The following UXS1 variants were observed in gnomAD, a reference collection of about 807,000 sequenced individuals.
UXS1 encodes UDP-glucuronate decarboxylase 1.
UXS1 carries 33 observed loss-of-function variants against 62.6 expected under a neutral mutation model. The ratio of observed to expected loss-of-function variants is 0.53; its 90% CI spans 0.40 to 0.70. The LOEUF (loss-of-function observed/expected upper bound fraction) is 0.70. Among genes scored for constraint, UXS1 ranks in the 30% least tolerant of loss-of-function variants. The pLI is 0.00. For missense variants in UXS1, 434 were observed against 556.3 expected (o/e 0.78, Z 2.21); for synonymous variants, 213 against 206.8 (o/e 1.03, Z -0.26).
chr2:106,154,530 A>G (rs1025588348), intron 5 of UXS1, among the ~76,000 whole-genome samples: 29 of 152,156 alleles, frequency 1.9e-4, no homozygotes, highest in Non-Finnish European at 3.4e-4. Flanking sequence ...GCCAAAGAAC[A>G]CCAAGGATTG....
At chr2:106,120,163 G>C (rs900014007) in intron 9 of UXS1, among the ~76,000 whole-genome samples, 3 of 152,292 alleles carry the variant, frequency 2.0e-5, no homozygotes, top group Non-Finnish European at 2.9e-5. Flanking sequence ...CTTCCTACAA[G>C]GGAGCACAAT....
chr2:106,114,234 C>T (rs1678881409), intron 9 of UXS1, among the ~76,000 whole-genome samples: 1 of 152,190 alleles, frequency 6.6e-6, no homozygotes, highest in Non-Finnish European at 1.5e-5. Flanking sequence ...GGCATGGAAG[C>T]ACACAGTTAA....
At chr2:106,187,186 GA>G (rs1055464742) in intron 1 of UXS1, among the ~76,000 whole-genome samples, 1 of 152,128 alleles carries the variant, frequency 6.6e-6, no homozygotes, top group African/African-American at 2.4e-5. Flanking sequence ...TAGAAAATCT[GA>G]AAGGAAATTT....
intron 1 of UXS1, among the ~76,000 whole-genome samples, chr2:106,176,253 G>A (rs950648461): frequency 2.0e-5 from 3 of 152,072 alleles, no homozygotes; most frequent in Non-Finnish European, 4.4e-5. Flanking sequence ...ACTCACCTCT[G>A]AAGAACCCCA....
intron 1 of UXS1, among the ~76,000 whole-genome samples, chr2:106,179,378 C>T (rs921185289): frequency 3.9e-5 from 6 of 152,140 alleles, no homozygotes; most frequent in African/African-American, 1.4e-4. Flanking sequence ...CAACCCTGTG[C>T]GGCCTCACCC....
chr2:106,175,895 G>A (rs953047559), intron 1 of UXS1, among the ~76,000 whole-genome samples: 1 of 152,174 alleles, frequency 6.6e-6, no homozygotes, highest in African/African-American at 2.4e-5. Context: ...TAAAGTGGTT[G>A]GTTAAGCAGT....
intron 6 of UXS1, among the ~76,000 whole-genome samples, chr2:106,141,131 A>T (rs1199934089): frequency 6.6e-6 from 1 of 152,254 alleles, no homozygotes; most frequent in Non-Finnish European, 1.5e-5. Flanking sequence ...CTTGCTAACA[A>T]GTAATGCTGA....
intron 6 of UXS1, chr2:106,138,084 C>A: frequency 1.3e-6 from 1 of 749,820 alleles, no homozygotes; most frequent in Non-Finnish European, 1.6e-6. Context: ...AGACAGGAAA[C>A]TGCATTAAAG....
intron 4 of UXS1, among the ~76,000 whole-genome samples, chr2:106,162,622 AT>A (rs1682965262): frequency 6.6e-6 from 1 of 152,236 alleles, no homozygotes; most frequent in Non-Finnish European, 1.5e-5. Context: ...CCAAGGAAAT[AT>A]TACAAGCTGC....
rs778139397 is a variant in UXS1 at position 106,104,788 on chromosome 2, TCTTAC to T, written c.923+1_923+5del. On this transcript the variant is annotated splice_donor_variant and splice_donor_5th_base_variant and intron_variant, in intron 11 of 14. Transcript: ENST00000283148. LOFTEE classifies it high-confidence loss of function. The stretch of plus-strand genomic sequence containing the variant: ...CTAAGGCTGGGGCAGGGCAGGACAG[TCTTAC>T]CTGACGTACTGGAACGCCCTTGTCT... 2 of 1,613,774 alleles carry T rather than the reference TCTTAC, an allele frequency of 1.2e-6. No homozygotes were observed. Among genetic ancestry groups the T allele is most frequent in the Non-Finnish European group, 8.5e-7 (1 of 1,179,878 alleles).
Position 106,094,045 on chromosome 2 carries a change from C to A in UXS1, c.1259G>T (p.Gly420Val), listed in dbSNP as rs1469167786. The A allele has an allele frequency of 2.5e-6, 4 of 1,612,684 alleles. No homozygotes were observed. Among genetic ancestry groups the A allele is most frequent in the Non-Finnish European group, 2.5e-6 (3 of 1,179,614 alleles). The change falls in exon 15 of 15, where the codon GGA becomes GTA. Residue 420 changes from glycine to valine, a missense_variant. Physicochemically the swap from Gly to Val is moderately radical, Grantham distance 109 (BLOSUM62 -3). This residue lies in a region of UXS1 where 209 missense variants were observed against 233.3 expected (regional missense o/e 0.90). Coordinates refer to ENST00000283148, the MANE Select transcript of UXS1 (RefSeq NM_001253875.2). ...PKPKPARIKK[G>V]RTRHS ...AGGAGTTCAGCTGTGGCGAGTCCGT[C>A]CTTTCTTTATTCTGGCAGGCTTTGG...
intron 7 of UXS1, among the ~76,000 whole-genome samples, chr2:106,127,726 G>A (rs985175718): frequency 4.6e-5 from 7 of 152,130 alleles, no homozygotes; most frequent in African/African-American, 1.2e-4. Context: ...AGCGCCTCTC[G>A]GTTCAGAATA....
chr2:106,097,399 G>C (rs924029686), intron 13 of UXS1: 5 of 352,218 alleles, frequency 1.4e-5, no homozygotes, highest in Non-Finnish European at 1.7e-5. Context: ...CAGTGACTGT[G>C]GGCCAGACCT....
In UXS1 at chr2:106,141,167, A is replaced by G. The variant is rs139090661; in HGVS notation, c.472+4023T>C. On this transcript the variant is annotated intron_variant, in intron 6 of 14. Transcript: ENST00000283148. ...AGGGAAAACCCGTGTCTTGGTAAAGAGATCTAGCTAGTATAGCCACAAAAT... is the reference window on the plus strand; with the variant it reads ...AGGGAAAACCCGTGTCTTGGTAAAGGGATCTAGCTAGTATAGCCACAAAAT... Among the ~76,000 whole-genome samples the G allele has an allele frequency of 4.8e-3, 732 of 152,360 alleles. 8 individuals are homozygous for G. Among genetic ancestry groups the G allele is most frequent in the African/African-American group, 0.017 (708 of 41,588 alleles).
At chr2:106,099,067 T>C (rs148405010) in intron 12 of UXS1, among the ~76,000 whole-genome samples, 1 of 152,350 alleles carries the variant, frequency 6.6e-6, no homozygotes, top group East Asian at 1.9e-4. Flanking sequence ...TATCAGACAA[T>C]TTCCATATCT....
Position 106,145,327 on chromosome 2 carries a change from T to C in UXS1, c.335A>G (p.Lys112Arg), listed in dbSNP as rs781280012. The change falls in exon 6 of 15, where the codon AAA becomes AGA. Residue 112 changes from lysine to arginine, a missense_variant. Physicochemically the swap from Lys to Arg is conservative, Grantham distance 26 (BLOSUM62 2). Transcript: ENST00000283148. ...CACCTCGTGGCCGTCCATCATGAGT[T>C]TGTCAGTTAGATGGGAGCCCACGAA... Reference protein sequence around the residue: ...AGFVGSHLTDKLMMDGHEVTV... With the variant: ...AGFVGSHLTDRLMMDGHEVTV... 20 of 1,613,808 alleles carry C rather than the reference T, an allele frequency of 1.2e-5. No homozygotes were observed. Among genetic ancestry groups the C allele is most frequent in the Non-Finnish European group, 1.5e-5 (18 of 1,179,872 alleles).
At position 106,194,151 on chromosome 2, in the gene UXS1, C is replaced by T; in HGVS notation, c.91G>A (p.Ala31Thr). 6.8e-7 allele frequency: 1 copy of T among 1,478,948 alleles called. No homozygotes were observed. 91.6% of individuals were successfully genotyped at this position (1,478,948 alleles called of 1,614,324 possible). Residue 31 changes from alanine to threonine, a missense_variant, in exon 1 of 15, where the codon GCC (alanine) becomes ACC (threonine). Ala to Thr is a moderately conservative substitution (Grantham distance 58, BLOSUM62 0). Transcript: ENST00000283148. Reference sequence around the variant, plus strand: ...CTGGCAGCGGGCGCGCACTCACAGGCGACGTAGGCCAGCAAGGCGATGCCC... The same window carrying T: ...CTGGCAGCGGGCGCGCACTCACAGGTGACGTAGGCCAGCAAGGCGATGCCC... The part of the protein sequence containing the change: ...LLGIALLAYV[A>T]SVWGNFVNMS...
At chr2:106,181,173 C>G (rs551987201) in intron 1 of UXS1, among the ~76,000 whole-genome samples, 93 of 152,298 alleles carry the variant, frequency 6.1e-4, no homozygotes, top group African/African-American at 2.0e-3. Flanking sequence ...CCACACCTGT[C>G]ACCAGTGAGG....
intron 6 of UXS1, among the ~76,000 whole-genome samples, chr2:106,130,195 T>C (rs929070531): frequency 3.9e-5 from 6 of 152,004 alleles, no homozygotes; most frequent in African/African-American, 1.2e-4. Context: ...TGGGAGAAAG[T>C]AGCCTCTCGT....
Sources: allele counts gnomAD v4.1 joint callset (sites outside exome capture counted in the v4.1 genomes callset), GRCh38; gene constraint gnomAD v4.1.1; regional missense constraint gnomAD v4.1.1; transcripts MANE v1.5; gene names NCBI Gene and HGNC (gene_info 2026-07-23, HGNC 2026-07-21).